ERC2: variants seen among roughly 807,000 people sequenced by gnomAD.
ERC2 encodes the protein ERC protein 2.
A neutral mutation model predicts 114.8 loss-of-function variants in ERC2; 42 were observed. That is an observed-to-expected ratio of 0.37 (90% CI 0.29 to 0.47). ERC2 has a LOEUF of 0.47. ERC2 is among the 20% of genes least tolerant of loss of function. The pLI, the probability that ERC2 is intolerant of heterozygous loss-of-function variation, is 0.99. For missense variants in ERC2, 939 were observed against 1,150.7 expected (o/e 0.82, Z 2.66); for synonymous variants, 454 against 425.5 (o/e 1.07, Z -0.82).
At chr3:56,361,442 A>T (rs577066318) in intron 2 of ERC2, among the ~76,000 whole-genome samples, 155 of 152,340 alleles carry the variant, frequency 1.0e-3, no homozygotes, top group African/African-American at 3.5e-3. Flanking sequence ...ACATACATAA[A>T]GTAAGAAAAA....
chr3:56,398,861 C>G (rs564756607), intron 2 of ERC2, among the ~76,000 whole-genome samples: 3 of 152,198 alleles, frequency 2.0e-5, no homozygotes, highest in African/African-American at 7.2e-5. Context: ...TCAGGCAATC[C>G]TCCCATTTCA....
intron 6 of ERC2, among the ~76,000 whole-genome samples, chr3:56,097,807 T>A (rs141209804): frequency 9.0e-4 from 137 of 152,324 alleles, no homozygotes; most frequent in African/African-American, 3.2e-3. Flanking sequence ...AAGGGGCTAT[T>A]GTTTCTGAGC....
intron 2 of ERC2, among the ~76,000 whole-genome samples, chr3:56,343,863 G>C (rs971812102): frequency 6.6e-6 from 1 of 152,100 alleles, no homozygotes; most frequent in Admixed American, 6.5e-5. Context: ...TCTTGCCCTT[G>C]TTACCTTCAC....
intron 4 of ERC2, among the ~76,000 whole-genome samples, chr3:56,151,454 G>A (rs758749379): frequency 2.1e-4 from 32 of 152,142 alleles, no homozygotes; most frequent in Admixed American, 6.5e-5. Flanking sequence ...GTAGGTAGGA[G>A]AATATCATTA....
At chr3:55,619,376 G>C (rs1218576126) in intron 17 of ERC2, among the ~76,000 whole-genome samples, 1 of 152,208 alleles carries the variant, frequency 6.6e-6, no homozygotes, top group Admixed American at 6.5e-5. Context: ...AATCCAAAGT[G>C]ATGTGTCCTT....
intron 8 of ERC2, among the ~76,000 whole-genome samples, chr3:56,010,898 G>C (rs2072874380): frequency 6.6e-6 from 1 of 152,240 alleles, no homozygotes; most frequent in South Asian, 2.1e-4. Context: ...AGCTCTAGAA[G>C]AGGGAGCTTC....
intron 2 of ERC2, among the ~76,000 whole-genome samples, chr3:56,353,770 G>A (rs956163614): frequency 6.0e-5 from 9 of 149,722 alleles, no homozygotes; most frequent in Admixed American, 4.0e-4. Context: ...AAACCCTCAC[G>A]TTGTGCACAT....
intron 17 of ERC2, among the ~76,000 whole-genome samples, chr3:55,586,652 C>T (rs2057620325): frequency 6.6e-6 from 1 of 152,174 alleles, no homozygotes; most frequent in Non-Finnish European, 1.5e-5. Flanking sequence ...TGACATAACA[C>T]AAAGCTCCTT....
At chr3:56,054,856 TTTA>T (rs2075937853) in intron 7 of ERC2, among the ~76,000 whole-genome samples, 1 of 152,222 alleles carries the variant, frequency 6.6e-6, no homozygotes, top group African/African-American at 2.4e-5. Flanking sequence ...TGCTTCCATT[TTTA>T]TTAAGTCATT....
At chr3:55,648,255 C>T (rs764704050) in intron 17 of ERC2, among the ~76,000 whole-genome samples, 13 of 152,302 alleles carry the variant, frequency 8.5e-5, no homozygotes, top group Non-Finnish European at 1.3e-4. Flanking sequence ...TAAAATCAAA[C>T]GCATGGACTT....
chr3:56,434,185 A>G, intron 2 of ERC2, 166 bp downstream of exon 2: 4 of 622,442 alleles, frequency 6.4e-6, no homozygotes, highest in Non-Finnish European at 1.1e-5. Context: ...CTGTAATGGT[A>G]TATTTCCTAT....
chr3:55,633,661 C>T (rs1213175397), intron 17 of ERC2, among the ~76,000 whole-genome samples: 1 of 152,192 alleles, frequency 6.6e-6, no homozygotes, highest in Non-Finnish European at 1.5e-5. Context: ...CTGCTATTTG[C>T]AAACACTGGC....
At chr3:56,318,592 A>G (rs1374182753) in intron 2 of ERC2, among the ~76,000 whole-genome samples, 2 of 148,962 alleles carry the variant, frequency 1.3e-5, no homozygotes, top group Admixed American at 6.7e-5. Flanking sequence ...CTCAAAAGCA[A>G]AAAAAAAAAG....
chr3:55,666,743 C>T lies in ERC2; in HGVS notation c.*39+17051G>A, dbSNP rs1451721872. Among the ~76,000 whole-genome samples the T allele has an allele frequency of 2.6e-5, 4 of 152,036 alleles. No individual in the cohort carries two copies. The South Asian group carries it at 8.3e-4, about 32-fold the overall frequency. On this transcript the variant is annotated intron_variant, in intron 17 of 17. Coordinates refer to ENST00000288221, the MANE Select transcript of ERC2 (RefSeq NM_015576.3). ...ATGCAAGACAAAGAAGTATCCAGCC[C>T]TAGATTCAATAGTGCTGAAGCTGAG... is the stretch of plus-strand genomic sequence containing the variant.
intron 14 of ERC2, among the ~76,000 whole-genome samples, chr3:55,779,347 A>AAAAAAAAAAC (rs2068855155): frequency 6.7e-6 from 1 of 148,592 alleles, no homozygotes; most frequent in South Asian, 2.1e-4. Flanking sequence ...AAAAAAAAAA[A>AAAAAAAAAAC]AAAAATTAGC....
chr3:56,325,953 G>A (rs1020185573), intron 2 of ERC2, among the ~76,000 whole-genome samples: 2 of 152,166 alleles, frequency 1.3e-5, no homozygotes, highest in East Asian at 3.9e-4. Flanking sequence ...ATGAACTAGA[G>A]ATGCCCATCA....
At chr3:55,640,720 G>A (rs1305212547) in intron 17 of ERC2, among the ~76,000 whole-genome samples, 1 of 152,168 alleles carries the variant, frequency 6.6e-6, no homozygotes, top group Non-Finnish European at 1.5e-5. Flanking sequence ...CTCCCCAGAT[G>A]GAGTCCTGTG....
intron 3 of ERC2, among the ~76,000 whole-genome samples, chr3:56,178,245 TAAC>T (rs1485930049): frequency 7.9e-5 from 12 of 152,152 alleles, no homozygotes; most frequent in African/African-American, 9.7e-5. Context: ...CAAATAATAA[TAAC>T]AACAAGTAAA....
chr3:56,321,973 A>G (rs182652393), intron 2 of ERC2, among the ~76,000 whole-genome samples: 68 of 152,354 alleles, frequency 4.5e-4, no homozygotes, highest in Non-Finnish European at 7.8e-4. Flanking sequence ...AATATACCAA[A>G]AACTTAAGAA....
Sources: allele counts gnomAD v4.1 joint callset (sites outside exome capture counted in the v4.1 genomes callset), GRCh38; gene constraint gnomAD v4.1.1; transcripts MANE v1.5; gene names NCBI Gene and HGNC (gene_info 2026-07-23, HGNC 2026-07-21).